Variants in PCDHGA7 observed in about 807,000 individuals in gnomAD.
PCDHGA7 encodes the protein protocadherin gamma subfamily A, 7, also known as protocadherin gamma-A7.
Under a neutral mutation model 58.3 loss-of-function variants are expected in PCDHGA7, and 44 were observed. That is an observed-to-expected ratio of 0.75 (90% CI 0.59 to 0.97). The LOEUF is 0.97. Among genes scored for constraint, PCDHGA7 ranks in the 50% least tolerant of loss-of-function variants. The pLI is 0.00. For synonymous variants in PCDHGA7, 516 were observed against 504.2 expected, an observed-to-expected ratio of 1.02 and a Z score of -0.31; for missense variants, 1,266 against 1,188.7, an observed-to-expected ratio of 1.06 and a Z score of -0.96.
At chr5:141,396,826 T>C (rs2150684125) in intron 1 of PCDHGA7, among the ~76,000 whole-genome samples, 1 of 152,342 alleles carries the variant, frequency 6.6e-6, no homozygotes, top group South Asian at 2.1e-4. Flanking sequence ...ATGGTGCATA[T>C]TCAGTGGAGT....
At chr5:141,405,603 T>A in intron 1 of PCDHGA7, 1 of 571,444 alleles carries the variant, frequency 1.7e-6, no homozygotes, top group Non-Finnish European at 3.1e-6. Flanking sequence ...CCAAGTAGAA[T>A]AACTGGGACT....
intron 2 of PCDHGA7, among the ~76,000 whole-genome samples, chr5:141,500,311 C>T (rs2099799036): frequency 2.0e-5 from 3 of 152,072 alleles, no homozygotes; most frequent in African/African-American, 7.2e-5. Context: ...CAGGTTCACG[C>T]CATGCTCCTG....
rs750928530 is a variant in PCDHGA7 at position 141,490,174 on chromosome 5, G to T, written c.2425-4633G>T. 1 of 1,614,056 alleles carries T rather than the reference G, an allele frequency of 6.2e-7. No individual in the cohort carries two copies. Among genetic ancestry groups the T allele is most frequent in the South Asian group, 1.1e-5 (1 of 91,086 alleles). ...TGTGTTGGGTCCCATAGACTTTGAG[G>T]AGTCACGTTTCTATGAAATTCATGC... On this transcript the variant is annotated intron_variant, in intron 1 of 3. Transcript: ENST00000518325. This position sits in a 1 kb window ranked among gnomAD's most constrained non-coding sequence, Gnocchi z 5.4.
chr5:141,400,591 C>T lies in PCDHGA7; in HGVS notation c.2424+15268C>T, dbSNP rs746471054. ...ATTTTCTGTATTTACATGAAACTATCGTACATTTTCAAGTCCAATGAGTTG... is the reference window on the plus strand; with the variant it reads ...ATTTTCTGTATTTACATGAAACTATTGTACATTTTCAAGTCCAATGAGTTG... On this transcript the variant is annotated intron_variant, in intron 1 of 3. Transcript: ENST00000518325. 2.5e-6 allele frequency: 4 copies of T among 1,602,858 alleles called. No homozygotes were observed. In the African/African-American group the frequency reaches 5.4e-5, roughly 21 times the overall value.
intron 2 of PCDHGA7, among the ~76,000 whole-genome samples, chr5:141,502,866 C>CTTTTTTT (rs549047197): frequency 0.02 from 2,590 of 127,990 alleles, 216 homozygotes; most frequent in African/African-American, 0.075. Flanking sequence ...GACTCTCTGT[C>CTTTTTTT]TTTTTTTTTT....
At position 141,389,253 on chromosome 5, in the gene PCDHGA7, G is replaced by T. The variant is rs998614321; in HGVS notation, c.2424+3930G>T. The stretch of plus-strand genomic sequence containing the variant: ...GGTTTTCTCACAGTCTTCCTATATA[G>T]TCCACGTGGCCGAGAACAACCCGCC... On this transcript the variant is annotated intron_variant, in intron 1 of 3. Transcript: ENST00000518325. 1.9e-6 allele frequency: 3 copies of T among 1,613,892 alleles called. No homozygotes were observed. The highest frequency in any genetic ancestry group is 2.5e-6 in the Non-Finnish European group (3 of 1,179,902).
Position 141,432,880 on chromosome 5 carries a change from C to T in PCDHGA7, c.2424+47557C>T, listed in dbSNP as rs865848752. ...CGGTCTCCTGCGTCTTCCTGGCCTT[C>T]GTCATCTTGCTGCTGGCGCTCAGGC... On this transcript the variant is annotated intron_variant, in intron 1 of 3. Transcript: ENST00000518325. The surrounding 1 kb of genome is among the most constrained non-coding windows in gnomAD (Gnocchi z 6.0). 1 of 1,614,194 alleles carries T rather than the reference C, an allele frequency of 6.2e-7. No individual in the cohort carries two copies. Among genetic ancestry groups the T allele is most frequent in the Non-Finnish European group, 8.5e-7 (1 of 1,180,008 alleles).
At chr5:141,403,495 C>T (rs2094413954) in intron 1 of PCDHGA7, 2 of 1,614,014 alleles carry the variant, frequency 1.2e-6, no homozygotes, top group Non-Finnish European at 1.7e-6. Flanking sequence ...TCTCCCTGAA[C>T]GTGCAGACTG....
chr5:141,440,181 G>A (rs1419736461), intron 1 of PCDHGA7: 7 of 152,312 alleles, frequency 4.6e-5, no homozygotes, highest in Non-Finnish European at 8.8e-5. Context: ...CTTTGAAATA[G>A]TTGAAGGCCA....
At chr5:141,399,705 C>G in intron 1 of PCDHGA7, 1 of 1,613,470 alleles carries the variant, frequency 6.2e-7, no homozygotes. Flanking sequence ...CCTTCGAACT[C>G]ACACTACAGG....
intron 1 of PCDHGA7, chr5:141,427,884 G>T (rs1346875505): frequency 5.1e-6 from 8 of 1,564,634 alleles, no homozygotes; most frequent in African/African-American, 2.7e-5. Flanking sequence ...GCAGGCCCAC[G>T]ACCAGGGCTC....
intron 3 of PCDHGA7, 57 bp from the exon 4 acceptor site, chr5:141,510,890 A>G (rs1434557860): frequency 1.2e-5 from 20 of 1,612,748 alleles, no homozygotes; most frequent in South Asian, 3.3e-5. Context: ...GATATAAGAC[A>G]GTGACTGTTG....
intron 1 of PCDHGA7, chr5:141,410,107 G>A: frequency 3.1e-6 from 5 of 1,612,702 alleles, no homozygotes; most frequent in Non-Finnish European, 4.2e-6. Flanking sequence ...TAGGCGACAG[G>A]GACGCAGCCC....
intron 1 of PCDHGA7, chr5:141,442,056 C>T: frequency 5.0e-6 from 1 of 198,150 alleles, no homozygotes; most frequent in Non-Finnish European, 1.0e-5. Flanking sequence ...GGTCGCGGTG[C>T]ACTGCGGTGG....
chr5:141,421,050 T>TACCACACAA, intron 1 of PCDHGA7: 1 of 561,278 alleles, frequency 1.8e-6, no homozygotes, highest in Non-Finnish European at 3.1e-6. Flanking sequence ...CCCCCGCCTC[T>TACCACACAA]ACCACACAAA....
intron 1 of PCDHGA7, among the ~76,000 whole-genome samples, chr5:141,468,247 C>T (rs925455907): frequency 6.7e-6 from 1 of 149,930 alleles, no homozygotes; most frequent in Non-Finnish European, 1.5e-5. Flanking sequence ...ATTGCCTGAA[C>T]CTGGGAGGCA....
intron 1 of PCDHGA7, chr5:141,389,228 G>A (rs1172706843): frequency 2.5e-6 from 4 of 1,614,024 alleles, no homozygotes; most frequent in African/African-American, 2.7e-5. Context: ...ACAACGCTCC[G>A]GTTTTCTCAC....
chr5:141,423,456 C>T, intron 1 of PCDHGA7: 1 of 1,613,924 alleles, frequency 6.2e-7, no homozygotes, highest in Non-Finnish European at 8.5e-7. Context: ...ATTTTGTAGG[C>T]GTGGACGGGG....
Position 141,431,758 on chromosome 5 carries a change from C to T in PCDHGA7, c.2424+46435C>T. Reference sequence around the variant, plus strand: ...CAGGATATTCTGCGCGAGCCAAAGTCCTGATCACTGTTCTGGACGTGAACG... The same window carrying T: ...CAGGATATTCTGCGCGAGCCAAAGTTCTGATCACTGTTCTGGACGTGAACG... On this transcript the variant is annotated intron_variant, in intron 1 of 3. Transcript: ENST00000518325. This position sits in a 1 kb window ranked among gnomAD's most constrained non-coding sequence, Gnocchi z 4.8. 1.9e-6 allele frequency: 3 copies of T among 1,614,172 alleles called. No homozygotes were observed. The highest frequency in any genetic ancestry group is 1.7e-6 in the Non-Finnish European group (2 of 1,180,020).
Sources: gnomAD v4.1 joint callset for allele counts (sites outside exome capture counted in the v4.1 genomes callset) on GRCh38, gnomAD v4.1.1 for gene constraint, Gnocchi (gnomAD v3.1) non-coding constraint, MANE v1.5 for transcripts, NCBI Gene and HGNC (gene_info 2026-07-23, HGNC 2026-07-21) for gene names.